Variants in DNM3 observed in about 807,000 individuals in gnomAD.
DNM3 encodes the protein dynamin 3, also known as dynamin-3.
A neutral mutation model predicts 101.6 loss-of-function variants in DNM3; 47 were observed. The observed-to-expected ratio is 0.46, with a 90% CI of 0.37 to 0.59. DNM3 has a LOEUF of 0.59. DNM3 is among the 20% of genes least tolerant of loss of function. The probability of loss-of-function intolerance (pLI) is 0.00; values close to 1 mark genes in which losing one functional copy is unlikely to be tolerated. For missense variants in DNM3, 849 were observed against 1,085.7 expected (o/e 0.78, Z 3.06); for synonymous variants, 385 against 387.9 (o/e 0.99, Z 0.09).
At chr1:172,063,642 G>T (rs1056841325) in intron 10 of DNM3, among the ~76,000 whole-genome samples, 3 of 151,804 alleles carry the variant, frequency 2.0e-5, no homozygotes, top group Admixed American at 6.6e-5. Context: ...AGGCTGGACT[G>T]GTGGTGGGCG....
chr1:172,036,047 C>T (rs1374543924), intron 6 of DNM3, among the ~76,000 whole-genome samples: 4 of 149,330 alleles, frequency 2.7e-5, no homozygotes, highest in Non-Finnish European at 4.4e-5. Flanking sequence ...GGTACATGTG[C>T]ACAATCTGCA....
intron 18 of DNM3, among the ~76,000 whole-genome samples, chr1:172,385,963 G>A (rs1280938502): frequency 1.3e-5 from 2 of 152,150 alleles, no homozygotes; most frequent in African/African-American, 4.8e-5. Flanking sequence ...ATGGGGTAAG[G>A]GAATGGGCAC....
chr1:172,223,041 T>C (rs2148572425), intron 14 of DNM3, among the ~76,000 whole-genome samples: 1 of 152,240 alleles, frequency 6.6e-6, no homozygotes. Context: ...GGGTAATTAG[T>C]ATATCCATCA....
At position 172,409,682 on chromosome 1, in the gene DNM3, G is replaced by A. The variant is rs760129872; in HGVS notation, c.*1841G>A. 2 of 985,614 alleles carry A rather than the reference G, an allele frequency of 2.0e-6. No individual in the cohort carries two copies. Among genetic ancestry groups the A allele is most frequent in the Non-Finnish European group, 2.4e-6 (2 of 829,738 alleles). 61.1% of individuals were successfully genotyped at this position (985,614 alleles called of 1,614,324 possible). A position where few individuals can be genotyped will look rare whatever the true frequency, so the allele number is the denominator to read the frequency against. Reference sequence around the variant, plus strand: ...TAGTGTCTCAGCTAAATGGAAAACTGTTAAGCAAACATCCATAGTAAAACA... The same window carrying A: ...TAGTGTCTCAGCTAAATGGAAAACTATTAAGCAAACATCCATAGTAAAACA... On this transcript the variant is annotated 3_prime_UTR_variant, in exon 21 of 21. Coordinates refer to ENST00000627582, the MANE Select transcript of DNM3 (RefSeq NM_015569.5).
rs186153331 is a variant in DNM3, at chr1:172,401,182, C to T, written c.2523-6590C>T. Among the ~76,000 whole-genome samples the T allele has an allele frequency of 8.5e-5, 13 of 152,190 alleles. No homozygotes were observed. The East Asian group carries it at 1.5e-3, about 18-fold the overall frequency. ...ATCAAAATTTATTTTGAAACTAGCC[C>T]GATACTTATTTTAAAAACCAACTTA... On this transcript the variant is annotated intron_variant, in intron 20 of 20. Transcript: ENST00000627582.
Position 172,092,845 on chromosome 1 carries a change from G to A in DNM3, c.1515G>A (p.Gln505=). The A allele has an allele frequency of 6.4e-7, 1 of 1,559,668 alleles. No homozygotes were observed. The highest frequency in any genetic ancestry group is 8.7e-7 in the Non-Finnish European group (1 of 1,150,794). ...GFANAQQRSS[Q]VHKKTTVGNQ... ...TCAGTGCTCAGCAGAGGAGCAGTCA[G>A]GTTCACAAGAAAACCACAGTTGGAA... The change falls in exon 13 of 21, where the codon CAG becomes CAA. Residue 505 remains glutamine (Q), a synonymous_variant. Transcript: ENST00000627582.
At chr1:171,971,962 G>T (rs1280069182) in intron 2 of DNM3, among the ~76,000 whole-genome samples, 3 of 152,060 alleles carry the variant, frequency 2.0e-5, no homozygotes, top group Non-Finnish European at 4.4e-5. Flanking sequence ...CTAGAGTGTT[G>T]GTTCATACTG....
intron 4 of DNM3, among the ~76,000 whole-genome samples, chr1:172,016,018 T>C (rs1173889408): frequency 4.4e-5 from 5 of 114,740 alleles, no homozygotes; most frequent in Admixed American, 2.6e-4. Flanking sequence ...TCTACTAAAA[T>C]TACAAAAAAA....
chr1:172,176,448 A>G (rs966121642), intron 14 of DNM3, among the ~76,000 whole-genome samples: 2 of 151,838 alleles, frequency 1.3e-5, no homozygotes, highest in Admixed American at 6.6e-5. Flanking sequence ...TTAATTTGTT[A>G]CTGCAGCAAT....
intron 4 of DNM3, among the ~76,000 whole-genome samples, chr1:172,012,635 C>G (rs1005650847): frequency 1.3e-5 from 2 of 151,906 alleles, no homozygotes; most frequent in Non-Finnish European, 2.9e-5. Flanking sequence ...TTTCCCTTTT[C>G]TTTTTCCCTC....
At chr1:172,054,422 G>A (rs2050427155) in intron 10 of DNM3, among the ~76,000 whole-genome samples, 2 of 152,160 alleles carry the variant, frequency 1.3e-5, no homozygotes, top group Non-Finnish European at 2.9e-5. Flanking sequence ...TCTCTTTTCA[G>A]CTGCTTTCCT....
At chr1:171,927,594 G>A (rs2040678791) in intron 2 of DNM3, among the ~76,000 whole-genome samples, 1 of 152,168 alleles carries the variant, frequency 6.6e-6, no homozygotes, top group Non-Finnish European at 1.5e-5. Context: ...ATTCACAATA[G>A]CAGACATGAA....
chr1:172,299,625 A>G (rs2586414), intron 15 of DNM3, among the ~76,000 whole-genome samples: 11,112 of 152,136 alleles, frequency 0.073, 467 homozygotes, highest in African/African-American at 0.1. Context: ...ATAAGTGAGA[A>G]CATGCAGTAT....
intron 1 of DNM3, among the ~76,000 whole-genome samples, chr1:171,918,360 G>A (rs986933738): frequency 6.6e-6 from 1 of 152,150 alleles, no homozygotes; most frequent in Non-Finnish European, 1.5e-5. Context: ...CCCATTCAGT[G>A]GTAGAGCTAA....
At chr1:172,331,983 A>G (rs2148935507) in intron 17 of DNM3, among the ~76,000 whole-genome samples, 1 of 152,240 alleles carries the variant, frequency 6.6e-6, no homozygotes, top group Non-Finnish European at 1.5e-5. Flanking sequence ...TGTAGAGCCA[A>G]TCTTTTGAAT....
At chr1:172,126,568 C>T (rs2056629478) in intron 13 of DNM3, among the ~76,000 whole-genome samples, 1 of 152,084 alleles carries the variant, frequency 6.6e-6, no homozygotes, top group South Asian at 2.1e-4. Context: ...TAATAAATAT[C>T]CTTTTCAGCT....
At chr1:171,950,970 C>G (rs911829012) in intron 2 of DNM3, among the ~76,000 whole-genome samples, 2 of 152,124 alleles carry the variant, frequency 1.3e-5, no homozygotes, top group Non-Finnish European at 2.9e-5. Context: ...TCTTCCTCCT[C>G]CATTTTTTGG....
At chr1:172,261,631 G>T (rs1377035859) in intron 15 of DNM3, among the ~76,000 whole-genome samples, 1 of 152,212 alleles carries the variant, frequency 6.6e-6, no homozygotes, top group East Asian at 1.9e-4. Context: ...TTAAGCCCCT[G>T]GGCAGTGGAT....
chr1:172,239,798 C>CTTTTTTTTTTTTTTTTTTTTT (rs369238528), intron 14 of DNM3, among the ~76,000 whole-genome samples: 3 of 106,868 alleles, frequency 2.8e-5, no homozygotes, highest in African/African-American at 3.6e-5. Flanking sequence ...CTTTTTTTTT[C>CTTTTTTTTTTTTTTTTTTTTT]TCTTTTTTTT....
Sources: gnomAD v4.1 joint callset for allele counts (sites outside exome capture counted in the v4.1 genomes callset) on GRCh38, gnomAD v4.1.1 for gene constraint, MANE v1.5 for transcripts, NCBI Gene and HGNC (gene_info 2026-07-23, HGNC 2026-07-21) for gene names.